The following FAM135B variants were observed in gnomAD, a reference collection of about 807,000 sequenced individuals.
FAM135B encodes protein FAM135B.
Under a neutral mutation model 127.7 loss-of-function variants are expected in FAM135B, and 43 were observed. The observed-to-expected ratio is 0.34, with a 90% confidence interval of 0.26 to 0.43. FAM135B has a LOEUF of 0.43. FAM135B is among the 20% of genes least tolerant of loss of function. The pLI is 1.00. For missense variants in FAM135B, 1,558 were observed against 1,725.6 expected, an observed-to-expected ratio of 0.90 and a Z score of 1.72; for synonymous variants, 670 against 665.1, an observed-to-expected ratio of 1.01 and a Z score of -0.11.
chr8:138,328,250 A>C (rs974547897), intron 2 of FAM135B, among the ~76,000 whole-genome samples: 1 of 152,140 alleles, frequency 6.6e-6, no homozygotes, highest in Non-Finnish European at 1.5e-5. Context: ...CCCATTTTAC[A>C]ACTCTAAATG....
chr8:138,448,003 A>T (rs890154136), intron 1 of FAM135B, among the ~76,000 whole-genome samples: 12 of 151,814 alleles, frequency 7.9e-5, no homozygotes, highest in Admixed American at 7.9e-4. Flanking sequence ...ACTAGATCCT[A>T]TGATCTAATT....
chr8:138,477,278 T>C (rs1008549342), intron 1 of FAM135B: 4 of 152,250 alleles, frequency 2.6e-5, no homozygotes, highest in South Asian at 2.1e-4. Flanking sequence ...GCCAGGATCA[T>C]GTAATCTCTT....
intron 3 of FAM135B, among the ~76,000 whole-genome samples, chr8:138,296,452 C>T (rs1451700379): frequency 1.3e-5 from 2 of 152,126 alleles, no homozygotes; most frequent in Admixed American, 6.5e-5. Context: ...CCTTCTTTCC[C>T]AGCCCCCCAA....
At chr8:138,467,627 C>T (rs1003194278) in intron 1 of FAM135B, among the ~76,000 whole-genome samples, 7 of 152,184 alleles carry the variant, frequency 4.6e-5, no homozygotes, top group Non-Finnish European at 8.8e-5. Flanking sequence ...AATCAGACAA[C>T]TCCAACATGT....
intron 1 of FAM135B, among the ~76,000 whole-genome samples, chr8:138,488,707 G>A (rs184810099): frequency 4.5e-4 from 69 of 152,118 alleles, no homozygotes; most frequent in Admixed American, 1.8e-3. Flanking sequence ...TCACTCTGTC[G>A]CCAGGCTGGA....
chr8:138,380,996 C>A (rs200442768), intron 1 of FAM135B, among the ~76,000 whole-genome samples: 1 of 148,252 alleles, frequency 6.7e-6, no homozygotes, highest in African/African-American at 2.5e-5. Flanking sequence ...CAAAAAAAAA[C>A]AGAACATTTG....
chr8:138,298,938 T>C (rs1451190010), intron 3 of FAM135B, among the ~76,000 whole-genome samples: 1 of 151,938 alleles, frequency 6.6e-6, no homozygotes, highest in Non-Finnish European at 1.5e-5. Context: ...ACGGTGCCTG[T>C]AATCCCAGCT....
At chr8:138,163,604 C>G (rs923412228) in intron 12 of FAM135B, among the ~76,000 whole-genome samples, 1 of 152,148 alleles carries the variant, frequency 6.6e-6, no homozygotes, top group Admixed American at 6.5e-5. Flanking sequence ...ACTTGGCTCT[C>G]ATTCTCTCTT....
intron 1 of FAM135B, among the ~76,000 whole-genome samples, chr8:138,386,095 A>G (rs1349143427): frequency 6.6e-6 from 1 of 152,074 alleles, no homozygotes; most frequent in East Asian, 1.9e-4. Context: ...GCGCACCTGT[A>G]ATCTCAGCTA....
At chr8:138,161,975 A>G (rs1184474439) in intron 12 of FAM135B, among the ~76,000 whole-genome samples, 1 of 152,210 alleles carries the variant, frequency 6.6e-6, no homozygotes, top group Non-Finnish European at 1.5e-5. Flanking sequence ...TTGAGAATAG[A>G]ACAGAATTCC....
At chr8:138,404,182 T>C (rs113866276) in intron 1 of FAM135B, among the ~76,000 whole-genome samples, 4 of 152,208 alleles carry the variant, frequency 2.6e-5, no homozygotes, top group African/African-American at 7.2e-5. Context: ...TAAAAATAAC[T>C]ATTCATGGAT....
chr8:138,306,409 T>TG (rs78226365), intron 3 of FAM135B, among the ~76,000 whole-genome samples: 131,804 of 147,772 alleles, frequency 0.89, 59,488 homozygotes, highest in Non-Finnish European at 0.96. Context: ...CACTCCAGTC[T>TG]GGGAGACTGA....
chr8:138,272,509 C>G (rs1173449289), intron 3 of FAM135B, among the ~76,000 whole-genome samples: 1 of 152,180 alleles, frequency 6.6e-6, no homozygotes, highest in South Asian at 2.1e-4. Context: ...ACCATTTAAC[C>G]TACTGAAAAT....
Position 138,198,542 on chromosome 8 carries a change from C to A in FAM135B, c.670-873G>T, listed in dbSNP as rs188952734. Among the ~76,000 whole-genome samples, 73 of 152,182 alleles carry A rather than the reference C, an allele frequency of 4.8e-4. No homozygotes were observed. The East Asian group carries it at 0.013, about 27-fold the overall frequency. ...GAAAAGGAGGAAAAGAAAGTGTCAT[C>A]GTAATGTAGAAAGAAGTTGTGAGGT... On this transcript the variant is annotated intron_variant, in intron 7 of 19. Transcript: ENST00000395297.
intron 3 of FAM135B, among the ~76,000 whole-genome samples, chr8:138,299,660 A>G (rs73436193): frequency 0.036 from 5,422 of 152,274 alleles, 211 homozygotes; most frequent in East Asian, 0.18. Flanking sequence ...AATAATGCTT[A>G]ATTGAATTTC....
chr8:138,399,392 T>G (rs1833022812), intron 1 of FAM135B, among the ~76,000 whole-genome samples: 2 of 152,084 alleles, frequency 1.3e-5, no homozygotes, highest in South Asian at 2.1e-4. Context: ...GAATAGAGAG[T>G]GAGCTCTAAT....
At chr8:138,301,809 G>A (rs567813092) in intron 3 of FAM135B, among the ~76,000 whole-genome samples, 9 of 152,236 alleles carry the variant, frequency 5.9e-5, no homozygotes, top group Admixed American at 1.3e-4. Flanking sequence ...ATTTTATAAC[G>A]CCCTTTTCAT....
At chr8:138,309,089 G>T (rs1030821788) in intron 3 of FAM135B, 8 of 423,564 alleles carry the variant, frequency 1.9e-5, no homozygotes, top group Middle Eastern at 3.5e-4. Flanking sequence ...TATCTATGAA[G>T]AATGCATTTT....
chr8:138,193,463 CAAAT>C (rs1816325409), intron 9 of FAM135B, among the ~76,000 whole-genome samples: 1 of 152,152 alleles, frequency 6.6e-6, no homozygotes, highest in African/African-American at 2.4e-5. Flanking sequence ...GGCGTATTGA[CAAAT>C]AGTCACGAAT....
Sources: allele counts gnomAD v4.1 joint callset (sites outside exome capture counted in the v4.1 genomes callset), GRCh38; gene constraint gnomAD v4.1.1; transcripts MANE v1.5; gene names NCBI Gene and HGNC (gene_info 2026-07-23, HGNC 2026-07-21).